The following KIAA2012 variants were observed in gnomAD, a reference collection of about 807,000 sequenced individuals.
KIAA2012 encodes KIAA2012.
Under a neutral mutation model 150.6 loss-of-function variants are expected in KIAA2012, and 125 were observed. The observed-to-expected ratio is 0.83, with a 90% CI of 0.72 to 0.96. The LOEUF (loss-of-function observed/expected upper bound fraction) is 0.96, where lower values mean the gene tolerates loss of function less well. Among genes scored for constraint, KIAA2012 ranks in the 40% least tolerant of loss-of-function variants. The pLI is 0.00. For synonymous variants in KIAA2012, 462 were observed against 504.7 expected, an observed-to-expected ratio of 0.92 and a Z score of 1.13; for missense variants, 1,219 against 1,354.9, an observed-to-expected ratio of 0.90 and a Z score of 1.57.
At chr2:202,157,434 A>T (rs1324931042) in intron 14 of KIAA2012, among the ~76,000 whole-genome samples, 4 of 152,192 alleles carry the variant, frequency 2.6e-5, no homozygotes, top group Admixed American at 2.6e-4. Context: ...TGCCTGGGGC[A>T]TGTAGGAAGC....
At chr2:202,096,044 A>T (rs1400009662) in intron 4 of KIAA2012, among the ~76,000 whole-genome samples, 1 of 152,086 alleles carries the variant, frequency 6.6e-6, no homozygotes, top group Non-Finnish European at 1.5e-5. Context: ...AGATCATGCC[A>T]CTGCACTCCA....
chr2:202,100,597 C>G, intron 7 of KIAA2012, 148 bp downstream of exon 7: 1 of 841,406 alleles, frequency 1.2e-6, no homozygotes, highest in Non-Finnish European at 1.7e-6. Flanking sequence ...CCAGGTGGAG[C>G]TGAATAGAGC....
chr2:202,139,268 G>A (rs1004945466), intron 13 of KIAA2012, among the ~76,000 whole-genome samples: 4 of 151,724 alleles, frequency 2.6e-5, no homozygotes, highest in Non-Finnish European at 5.9e-5. Flanking sequence ...TCTATTAGTG[G>A]TTCAAGGACA....
intron 2 of KIAA2012, chr2:202,076,794 C>T (rs1369423509): frequency 2.8e-6 from 1 of 361,852 alleles, no homozygotes; most frequent in African/African-American, 2.1e-5. Flanking sequence ...CTCCAGTGGT[C>T]CACTGGTCAT....
intron 13 of KIAA2012, among the ~76,000 whole-genome samples, chr2:202,152,807 G>T (rs1014374340): frequency 3.3e-5 from 5 of 152,130 alleles, no homozygotes; most frequent in Non-Finnish European, 7.3e-5. Flanking sequence ...GACTGTTTGT[G>T]GGGACTCACC....
chr2:202,124,796 G>A (rs1690740905), intron 11 of KIAA2012, among the ~76,000 whole-genome samples: 1 of 152,144 alleles, frequency 6.6e-6, no homozygotes, highest in Non-Finnish European at 1.5e-5. Flanking sequence ...CAAGGCCGGT[G>A]CGGTGGCTCA....
At chr2:202,166,193 G>A (rs907630992) in intron 15 of KIAA2012, among the ~76,000 whole-genome samples, 2 of 152,180 alleles carry the variant, frequency 1.3e-5, no homozygotes, top group African/African-American at 4.8e-5. Context: ...CAGCTGGATT[G>A]CATAAAGGTT....
chr2:202,141,854 C>T (rs1691203476), intron 13 of KIAA2012, among the ~76,000 whole-genome samples: 1 of 151,938 alleles, frequency 6.6e-6, no homozygotes, highest in Non-Finnish European at 1.5e-5. Context: ...GTAAGGTGAC[C>T]AGCACCTAAA....
chr2:202,106,769 G>A (rs1183719037), intron 9 of KIAA2012, among the ~76,000 whole-genome samples: 1 of 152,084 alleles, frequency 6.6e-6, no homozygotes, highest in Non-Finnish European at 1.5e-5. Context: ...GTGGACATTT[G>A]AAATTATACA....
chr2:202,078,987 G>A (rs571685454), intron 2 of KIAA2012, among the ~76,000 whole-genome samples: 8 of 152,262 alleles, frequency 5.3e-5, no homozygotes, highest in African/African-American at 1.7e-4. Context: ...TCTGAGGTCA[G>A]GAGTTCGAGA....
At chr2:202,141,737 CT>C (rs997024629) in intron 13 of KIAA2012, among the ~76,000 whole-genome samples, 5 of 152,270 alleles carry the variant, frequency 3.3e-5, no homozygotes. Flanking sequence ...TCCCGGGATA[CT>C]TTCAGAGACA....
intron 15 of KIAA2012, among the ~76,000 whole-genome samples, chr2:202,170,476 GA>G (rs1263458551): frequency 6.6e-6 from 1 of 152,178 alleles, no homozygotes; most frequent in African/African-American, 2.4e-5. Flanking sequence ...CCGACTGCAT[GA>G]ATGGAAGCTT....
intron 2 of KIAA2012, among the ~76,000 whole-genome samples, chr2:202,080,621 A>C (rs2350354): frequency 6.6e-6 from 1 of 150,556 alleles, no homozygotes; most frequent in African/African-American, 2.5e-5. Context: ...GCTTGAACCC[A>C]GGAGGCAAAG....
intron 11 of KIAA2012, 125 bp from the exon 12 acceptor site, chr2:202,125,089 A>G (rs941103789): frequency 4.0e-6 from 3 of 756,370 alleles, no homozygotes; most frequent in African/African-American, 3.6e-5. Flanking sequence ...AAAAAAAGAA[A>G]CAGTTCATTG....
intron 12 of KIAA2012, chr2:202,138,083 C>T (rs1352142400): frequency 5.7e-6 from 1 of 174,118 alleles, no homozygotes; most frequent in African/African-American, 2.4e-5. Context: ...TTATACTCAA[C>T]AGCATCAGCA....
intron 5 of KIAA2012, 116 bp downstream of exon 5, chr2:202,097,693 A>G: frequency 5.9e-6 from 7 of 1,179,248 alleles, no homozygotes; most frequent in Non-Finnish European, 7.0e-6. Context: ...GGGTTCAAGC[A>G]TTTCTCCTGC....
chr2:202,153,221 A>C (rs1324137001), intron 13 of KIAA2012, among the ~76,000 whole-genome samples: 3 of 152,282 alleles, frequency 2.0e-5, no homozygotes, highest in Non-Finnish European at 4.4e-5. Context: ...TGGGAACGGA[A>C]CAGCCATGGT....
intron 11 of KIAA2012, among the ~76,000 whole-genome samples, chr2:202,120,907 A>G (rs962104186): frequency 2.0e-5 from 3 of 152,212 alleles, no homozygotes; most frequent in African/African-American, 4.8e-5. Context: ...AATTCTAATA[A>G]TAGAATCCCC....
chr2:202,204,224 G>A (rs537767209), intron 23 of KIAA2012, among the ~76,000 whole-genome samples: 63 of 151,856 alleles, frequency 4.1e-4, no homozygotes, highest in South Asian at 3.5e-3. Flanking sequence ...CTATAGGCAC[G>A]TACCACCACA....
Sources: allele counts gnomAD v4.1 joint callset (sites outside exome capture counted in the v4.1 genomes callset), GRCh38; gene constraint gnomAD v4.1.1; transcripts MANE v1.5; gene names NCBI Gene and HGNC (gene_info 2026-07-23, HGNC 2026-07-21).